KCTD2: variants seen among roughly 807,000 people sequenced by gnomAD.
KCTD2 encodes potassium channel tetramerization domain containing 2, also known as BTB/POZ domain-containing protein KCTD2.
Under a neutral mutation model 27.9 loss-of-function variants are expected in KCTD2, and 18 were observed. That is an observed-to-expected ratio of 0.64 (90% confidence interval 0.45 to 0.96). The LOEUF is 0.96. KCTD2 is among the 40% of genes least tolerant of loss of function. The pLI is 0.00. For synonymous variants in KCTD2, 175 were observed against 148.4 expected, an observed-to-expected ratio of 1.18 and a Z score of -1.30; for missense variants, 280 against 348.0, an observed-to-expected ratio of 0.80 and a Z score of 1.56.
intron 3 of KCTD2, among the ~76,000 whole-genome samples, chr17:75,038,068 AAAT>A (rs1176001616): frequency 6.6e-6 from 1 of 152,064 alleles, no homozygotes; most frequent in African/African-American, 2.4e-5. Flanking sequence ...TAATAAAATA[AAAT>A]AATTTTCCAT....
chr17:75,046,275 G>T (rs1344970395), upstream of KCTD2, among the ~76,000 whole-genome samples: 1 of 152,128 alleles, frequency 6.6e-6, no homozygotes, highest in Non-Finnish European at 1.5e-5. Flanking sequence ...GTAGAGGCGG[G>T]GTTTCACTAC....
chr17:75,039,265 A>G, intron 3 of KCTD2: 1 of 1,614,094 alleles, frequency 6.2e-7, no homozygotes, highest in Non-Finnish European at 8.5e-7. Context: ...TCAGCACAAG[A>G]TTTCACCTTT....
chr17:75,058,241 C>T (rs564965245), intron 3 of KCTD2, among the ~76,000 whole-genome samples: 5 of 151,878 alleles, frequency 3.3e-5, no homozygotes, highest in African/African-American at 9.7e-5. Flanking sequence ...GCAGGAGAAT[C>T]GCTTGAACTC....
chr17:75,060,718 C>G (rs2073396623), intron 4 of KCTD2: 1 of 912,258 alleles, frequency 1.1e-6, no homozygotes, highest in Non-Finnish European at 1.6e-6. Flanking sequence ...CACTCGCCAC[C>G]CTGGGATCAA....
chr17:75,047,217 G>A (rs1426390275), upstream of KCTD2: 1 of 728,104 alleles, frequency 1.4e-6, no homozygotes, highest in Non-Finnish European at 1.9e-6. Context: ...GCCCGGCTGC[G>A]CGCGGGCAGC....
chr17:75,050,301 G>A lies in KCTD2; in HGVS notation c.448+973G>A, dbSNP rs755438661. On this transcript the variant is annotated intron_variant, in intron 2 of 5. Transcript: ENST00000322444. Reference sequence around the variant, plus strand: ...TGAGATTTTTCTTTTTTTTTTCTTCGCTCAGGCTGGAGTGCACTGGCACAA... The same window carrying A: ...TGAGATTTTTCTTTTTTTTTTCTTCACTCAGGCTGGAGTGCACTGGCACAA... Among the ~76,000 whole-genome samples the A allele has an allele frequency of 6.0e-5, 9 of 149,076 alleles. 1 individual carries two copies. The East Asian group carries it at 7.8e-4, about 13-fold the overall frequency.
intron 4 of KCTD2, chr17:75,060,344 T>C (rs992944589): frequency 3.9e-5 from 49 of 1,245,490 alleles, no homozygotes; most frequent in Non-Finnish European, 5.0e-5. Flanking sequence ...TGGTGTCCAC[T>C]GGAAAAATGT....
chr17:75,055,398 A>G (rs1248322664), intron 3 of KCTD2, among the ~76,000 whole-genome samples: 3 of 151,102 alleles, frequency 2.0e-5, no homozygotes, highest in African/African-American at 2.4e-5. Flanking sequence ...TGGTCTTTCT[A>G]TGTTAGATTT....
intron 2 of KCTD2, among the ~76,000 whole-genome samples, chr17:75,034,539 G>C (rs1190640509): frequency 6.6e-6 from 1 of 152,180 alleles, no homozygotes; most frequent in African/African-American, 2.4e-5. Context: ...TCCTTGATAG[G>C]TGTTCAACCA....
chr17:75,063,282 T>G lies in KCTD2; in HGVS notation c.*235T>G. On this transcript the variant is annotated 3_prime_UTR_variant, in exon 6 of 6. Coordinates refer to ENST00000322444, the MANE Select transcript of KCTD2 (RefSeq NM_015353.3). ...TTTTCAGAAACCTGCTTTCATTTGCTTAGCCAGTATTAGAACAGATCTTTA... is the reference window on the plus strand; with the variant it reads ...TTTTCAGAAACCTGCTTTCATTTGCGTAGCCAGTATTAGAACAGATCTTTA... The G allele has an allele frequency of 1.7e-6, 1 of 580,852 alleles. No individual in the cohort carries two copies. Among genetic ancestry groups the G allele is most frequent in the Non-Finnish European group, 3.1e-6 (1 of 325,736 alleles). 36.0% of individuals were successfully genotyped at this position (580,852 alleles called of 1,614,324 possible).
intron 4 of KCTD2, 22 bp from the exon 5 acceptor site, chr17:75,062,098 C>G: frequency 1.2e-6 from 2 of 1,613,244 alleles, no homozygotes; most frequent in East Asian, 2.2e-5. Flanking sequence ...CATGAATGTT[C>G]ACTGTATTCT....
chr17:75,042,409 T>C (rs2073170493), upstream of KCTD2: 1 of 1,508,722 alleles, frequency 6.6e-7, no homozygotes, highest in South Asian at 1.3e-5. Flanking sequence ...ATCATGAAAA[T>C]GCAAGGATTT....
At chr17:75,035,046 A>G (rs973103690) in intron 2 of KCTD2, among the ~76,000 whole-genome samples, 10 of 152,112 alleles carry the variant, frequency 6.6e-5, no homozygotes, top group African/African-American at 2.2e-4. Flanking sequence ...CGAGCAGTGA[A>G]GCTGCGGCAC....
intron 2 of KCTD2, among the ~76,000 whole-genome samples, chr17:75,034,724 A>T (rs373721085): frequency 1.3e-5 from 2 of 151,958 alleles, no homozygotes; most frequent in Non-Finnish European, 2.9e-5. Context: ...CCCCGAGAAG[A>T]AGTGCTCGGC....
chr17:75,044,363 G>A (rs531713701), upstream of KCTD2, among the ~76,000 whole-genome samples: 1 of 115,032 alleles, frequency 8.7e-6, no homozygotes, highest in Non-Finnish European at 1.6e-5. Flanking sequence ...CCGCCACCGC[G>A]CCCGGCTAAT....
intron 2 of KCTD2, among the ~76,000 whole-genome samples, chr17:75,052,079 A>G (rs1474044749): frequency 1.3e-5 from 2 of 152,174 alleles, no homozygotes; most frequent in Non-Finnish European, 2.9e-5. Flanking sequence ...GAGGTGTCCA[A>G]CATGACTAGT....
At chr17:75,062,944 C>A in intron 5 of KCTD2, 74 bp from the exon 6 acceptor site, 1 of 1,502,520 alleles carries the variant, frequency 6.7e-7, no homozygotes, top group South Asian at 1.1e-5. Flanking sequence ...TCATCGGGTC[C>A]AGTGGAAAGC....
upstream of KCTD2, chr17:75,042,529 C>T (rs757685789): frequency 2.5e-6 from 4 of 1,611,310 alleles, no homozygotes; most frequent in South Asian, 2.2e-5. Flanking sequence ...ACATACTGAC[C>T]TGGAGGTGAG....
exon 3 of KCTD2, chr17:75,035,349 G>C (rs2040106477): frequency 6.6e-6 from 1 of 152,164 alleles, no homozygotes; most frequent in South Asian, 2.1e-4. Flanking sequence ...GCGTCATTAT[G>C]CAGCCAGGGT....
Sources: gnomAD v4.1 joint callset for allele counts (sites outside exome capture counted in the v4.1 genomes callset) on GRCh38, gnomAD v4.1.1 for gene constraint, MANE v1.5 for transcripts, NCBI Gene and HGNC (gene_info 2026-07-23, HGNC 2026-07-21) for gene names.